The following EFNB2 variants were observed in gnomAD, a reference collection of about 807,000 sequenced individuals.
The protein encoded by EFNB2 is ephrin-B2.
EFNB2 carries 5 observed loss-of-function variants against 32.1 expected under a neutral mutation model. That is an observed-to-expected ratio of 0.16 (90% CI 0.08 to 0.33). The LOEUF (loss-of-function observed/expected upper bound fraction) is 0.33. EFNB2 is among the 10% of genes least tolerant of loss of function. The probability of loss-of-function intolerance (pLI) is 1.00; values close to 1 mark genes in which losing one functional copy is unlikely to be tolerated. For missense variants in EFNB2, 263 were observed against 422.6 expected (o/e 0.62, Z 3.31); for synonymous variants, 168 against 166.5 (o/e 1.01, Z -0.07).
intron 2 of EFNB2, among the ~76,000 whole-genome samples, chr13:106,511,211 T>C (rs1879132262): frequency 6.6e-6 from 1 of 152,228 alleles, no homozygotes; most frequent in African/African-American, 2.4e-5. Context: ...ACTAAGTATA[T>C]ACTCTACCAC....
chr13:106,506,502 A>AG (rs1459776025), intron 2 of EFNB2: 1 of 152,232 alleles, frequency 6.6e-6, no homozygotes, highest in Non-Finnish European at 1.5e-5. Context: ...TTCTTGGTAA[A>AG]GGAAGCTCAA....
intron 2 of EFNB2, among the ~76,000 whole-genome samples, chr13:106,502,081 C>T (rs1348642379): frequency 2.6e-5 from 4 of 152,092 alleles, no homozygotes; most frequent in African/African-American, 7.2e-5. Context: ...GTGAAAATAT[C>T]GTTCAATATG....
In EFNB2 at chr13:106,533,260, C is replaced by A. The variant is rs58223651; in HGVS notation, c.122+1583G>T. 1.6e-3 allele frequency among the ~76,000 whole-genome samples: 233 copies of A among 150,040 alleles called. 3 individuals are homozygous for A. Among genetic ancestry groups the A allele is most frequent in the African/African-American group, 5.1e-3 (209 of 40,834 alleles). ...GGGCAGCGGCGCCGCGGGCTCCCCG[C>A]GACCGCCTCGCCCGCCCGCCCGCCT... On this transcript the variant is annotated intron_variant, in intron 1 of 4. Coordinates refer to ENST00000646441, the MANE Select transcript of EFNB2 (RefSeq NM_004093.4).
In EFNB2 at chr13:106,493,901, CAGCTCGGGAACG is replaced by C. The variant is rs1878503143; in HGVS notation, c.614-485_614-474del. 1.3e-5 allele frequency among the ~76,000 whole-genome samples: 2 copies of C among 152,224 alleles called. No homozygotes were observed. Among genetic ancestry groups the C allele is most frequent in the African/African-American group, 4.8e-5 (2 of 41,464 alleles). On this transcript the variant is annotated intron_variant, in intron 4 of 4. Coordinates refer to ENST00000646441, the MANE Select transcript of EFNB2 (RefSeq NM_004093.4). The surrounding 1 kb of genome is among the most constrained non-coding windows in gnomAD (Gnocchi z 6.1). ...AGCCCTGCCTCCTGGCAGAACAGAACAGCTCGGGAACGCGGAAGGAGTGAGGGGGCCTGGGAA... is the reference window on the plus strand; with the variant it reads ...AGCCCTGCCTCCTGGCAGAACAGAACCGGAAGGAGTGAGGGGGCCTGGGAA...
chr13:106,522,720 C>T (rs1482774742), intron 1 of EFNB2, among the ~76,000 whole-genome samples: 1 of 151,974 alleles, frequency 6.6e-6, no homozygotes, highest in Non-Finnish European at 1.5e-5. Flanking sequence ...TGCCTATTGA[C>T]AAAAATGATT....
intron 2 of EFNB2, among the ~76,000 whole-genome samples, chr13:106,511,379 G>T (rs143824770): frequency 2.0e-5 from 3 of 152,328 alleles, no homozygotes; most frequent in African/African-American, 7.2e-5. Context: ...CTACTTGGAG[G>T]CTGAGGTGGG....
chr13:106,500,399 T>C (rs960816903), intron 2 of EFNB2, among the ~76,000 whole-genome samples: 2 of 152,170 alleles, frequency 1.3e-5, no homozygotes, highest in Non-Finnish European at 2.9e-5. Context: ...ACAGTTCTTA[T>C]GGAAAGAATG....
chr13:106,534,108 A>T (rs1261813356), intron 1 of EFNB2, among the ~76,000 whole-genome samples: 1 of 152,194 alleles, frequency 6.6e-6, no homozygotes, highest in Non-Finnish European at 1.5e-5. Flanking sequence ...TAGGAAGTGC[A>T]TTACAATCAG....
intron 1 of EFNB2, among the ~76,000 whole-genome samples, chr13:106,530,783 G>A (rs562550771): frequency 8.5e-4 from 129 of 152,258 alleles, no homozygotes; most frequent in Non-Finnish European, 1.4e-3. Context: ...GCTCTCGGGA[G>A]CTACCTGGAA....
At chr13:106,522,899 T>C (rs550461688) in intron 1 of EFNB2, among the ~76,000 whole-genome samples, 1 of 152,306 alleles carries the variant, frequency 6.6e-6, no homozygotes, top group African/African-American at 2.4e-5. Context: ...AATAGGTGGC[T>C]GTGTAATTAA....
intron 1 of EFNB2, chr13:106,521,481 T>G (rs2138933741): frequency 6.6e-6 from 1 of 152,308 alleles, no homozygotes; most frequent in Middle Eastern, 3.4e-3. Context: ...GGGCCCCCAG[T>G]TCCTGGCCCA....
At chr13:106,499,735 A>G (rs148829933) in intron 2 of EFNB2, among the ~76,000 whole-genome samples, 2,288 of 152,284 alleles carry the variant, frequency 0.015, 19 homozygotes, top group African/African-American at 0.029. Flanking sequence ...AGACTTTACA[A>G]ATTTAAAAAT....
chr13:106,532,554 T>G (rs1879913098), intron 1 of EFNB2, among the ~76,000 whole-genome samples: 1 of 152,148 alleles, frequency 6.6e-6, no homozygotes, highest in Non-Finnish European at 1.5e-5. Context: ...CTCAAAAACT[T>G]AGAGAGGACT....
intron 1 of EFNB2, among the ~76,000 whole-genome samples, chr13:106,530,595 A>C (rs369677961): frequency 3.9e-5 from 6 of 152,310 alleles, no homozygotes; most frequent in African/African-American, 1.4e-4. Context: ...TTCTCATAAA[A>C]CGTTAAAGAA....
rs773001048 is a variant in EFNB2 at position 106,493,133 on chromosome 13, G to A, written c.909C>T (p.His303=). The A allele has an allele frequency of 3.1e-6, 5 of 1,614,066 alleles. No homozygotes were observed. Among genetic ancestry groups the A allele is most frequent in the Middle Eastern group, 1.6e-4 (1 of 6,062 alleles). ...LRTADSVFCP[H]YEKVSGDYGH... ...CGTAGTCCCCGCTGACCTTCTCGTA[G>A]TGAGGGCAGAAGACGCTGTCCGCAG... Residue 303 remains histidine, a synonymous_variant, in exon 5 of 5, where the codon CAC becomes CAT. Transcript: ENST00000646441. This position sits in a 1 kb window ranked among gnomAD's most constrained non-coding sequence, Gnocchi z 6.1.
chr13:106,498,241 GAC>G (rs775793091), intron 2 of EFNB2, among the ~76,000 whole-genome samples: 21 of 152,162 alleles, frequency 1.4e-4, no homozygotes, highest in Admixed American at 7.9e-4. Context: ...AGGGGGAAAA[GAC>G]AGTCAAAGAT....
In EFNB2 at chr13:106,495,013, A is replaced by G; in HGVS notation, c.500-19T>C. 6.3e-7 allele frequency: 1 copy of G among 1,590,722 alleles called. No homozygotes were observed. The highest frequency in any genetic ancestry group is 2.2e-5 in the East Asian group (1 of 44,750). ...CTTGCATCTATATGAAAAACAAATG[A>G]TTAATTACGGCACAGACATCTGACA... On this transcript the variant is annotated intron_variant, in intron 3 of 4. Coordinates refer to ENST00000646441, the MANE Select transcript of EFNB2 (RefSeq NM_004093.4).
chr13:106,511,229 C>CT (rs1277618115), intron 2 of EFNB2, among the ~76,000 whole-genome samples: 1 of 152,024 alleles, frequency 6.6e-6, no homozygotes, highest in Non-Finnish European at 1.5e-5. Flanking sequence ...CACATTCTCT[C>CT]TTTTTTTTCT....
Position 106,492,774 on chromosome 13 carries a change from G to A in EFNB2, c.*266C>T. On this transcript the variant is annotated 3_prime_UTR_variant, in exon 5 of 5. Transcript: ENST00000646441. This position sits in a 1 kb window ranked among gnomAD's most constrained non-coding sequence, Gnocchi z 5.1. ...TGACCGCAGCACATGGCTTCGAGGA[G>A]GAGACGTGGGACGCGGCACAGCAGT... 2.6e-6 allele frequency: 1 copy of A among 383,896 alleles called. No individual in the cohort carries two copies. The highest frequency in any genetic ancestry group is 4.8e-6 in the Non-Finnish European group (1 of 209,082). 23.8% of individuals were successfully genotyped at this position (383,896 alleles called of 1,614,324 possible). A position where few individuals can be genotyped will look rare whatever the true frequency, so the allele number is the denominator to read the frequency against.
Sources: allele counts gnomAD v4.1 joint callset (sites outside exome capture counted in the v4.1 genomes callset), GRCh38; gene constraint gnomAD v4.1.1; non-coding constraint Gnocchi (gnomAD v3.1); transcripts MANE v1.5; gene names NCBI Gene and HGNC (gene_info 2026-07-23, HGNC 2026-07-21).